GREB1: variants seen among roughly 807,000 people sequenced by gnomAD.
GREB1 encodes the protein growth regulating estrogen receptor binding 1, also known as protein GREB1.
A neutral mutation model predicts 200.7 loss-of-function variants in GREB1; 106 were observed. That is an observed-to-expected ratio of 0.53 (90% CI 0.45 to 0.62). GREB1 has a LOEUF of 0.62. GREB1 is among the 20% of genes least tolerant of loss of function. GREB1 has a pLI of 0.00. For synonymous variants in GREB1, 1,132 were observed against 1,092.4 expected, an observed-to-expected ratio of 1.04 and a Z score of -0.72; for missense variants, 2,243 against 2,556.8, an observed-to-expected ratio of 0.88 and a Z score of 2.65.
At chr2:11,501,729 A>C (rs962173133) in intron 1 of GREB1, among the ~76,000 whole-genome samples, 11 of 151,954 alleles carry the variant, frequency 7.2e-5, no homozygotes, top group Non-Finnish European at 1.0e-4. Flanking sequence ...TGTATCTTTT[A>C]GGAAGATAAT....
At chr2:11,610,004 T>G (rs545619422) in intron 17 of GREB1, among the ~76,000 whole-genome samples, 38 of 152,304 alleles carry the variant, frequency 2.5e-4, no homozygotes, top group African/African-American at 9.1e-4. Flanking sequence ...GCTTTTCCAT[T>G]GGTGCCCTGG....
At chr2:11,494,630 G>A (rs192271745) in intron 1 of GREB1, among the ~76,000 whole-genome samples, 40 of 152,252 alleles carry the variant, frequency 2.6e-4, no homozygotes, top group Non-Finnish European at 4.4e-4. Flanking sequence ...TTTTTAATGG[G>A]AGTGATCTGA....
At chr2:11,561,514 C>A (rs1677036165) in intron 2 of GREB1, 1 of 152,160 alleles carries the variant, frequency 6.6e-6, no homozygotes, top group African/African-American at 2.4e-5. Context: ...CAGGCACACA[C>A]TACCACGCCC....
intron 17 of GREB1, among the ~76,000 whole-genome samples, chr2:11,606,295 C>A (rs577048159): frequency 1.3e-5 from 2 of 152,344 alleles, no homozygotes; most frequent in East Asian, 3.9e-4. Flanking sequence ...GTTCATTTTA[C>A]ATTCCCATCA....
chr2:11,497,467 A>G (rs541957513), intron 1 of GREB1, among the ~76,000 whole-genome samples: 107 of 152,314 alleles, frequency 7.0e-4, no homozygotes, highest in African/African-American at 2.5e-3. Flanking sequence ...CATATGTTGT[A>G]ATTTCTATGG....
chr2:11,582,794 G>A (rs1474823598), intron 7 of GREB1, among the ~76,000 whole-genome samples: 4 of 152,250 alleles, frequency 2.6e-5, no homozygotes, highest in African/African-American at 4.8e-5. Flanking sequence ...TGGGGAGAGA[G>A]CTCAAAATCA....
At position 11,633,961 on chromosome 2, in the gene GREB1, G is replaced by A. The variant is rs568739602; in HGVS notation, c.4992-170G>A. Among the ~76,000 whole-genome samples the A allele has an allele frequency of 2.4e-4, 36 of 152,342 alleles. No homozygotes were observed. The highest frequency in any genetic ancestry group is 5.0e-4 in the African/African-American group (21 of 41,586). ...TGTTCAGCACATAGCAGAAATGAGC[G>A]CCCGTGGGAAGCGCCCAGCAGGGTG... On this transcript the variant is annotated intron_variant, in intron 28 of 32. Coordinates refer to ENST00000381486, the MANE Select transcript of GREB1 (RefSeq NM_014668.4). The surrounding 1 kb of genome is among the most constrained non-coding windows in gnomAD (Gnocchi z 4.1).
At position 11,593,478 on chromosome 2, in the gene GREB1, C is replaced by G. The variant is rs60073769; in HGVS notation, c.1696+352C>G. Among the ~76,000 whole-genome samples, 854 of 152,302 alleles carry G rather than the reference C, an allele frequency of 5.6e-3. 9 individuals are homozygous for G. Among genetic ancestry groups the G allele is most frequent in the African/African-American group, 0.02 (818 of 41,560 alleles). ...AGAAACAATGCCCTTGTTGTGTTGT[C>G]TGTGTTCAGGAGCCAATTAATTTTT... On this transcript the variant is annotated intron_variant, in intron 11 of 32. Transcript: ENST00000381486.
chr2:11,586,933 C>T (rs995523383), intron 9 of GREB1, among the ~76,000 whole-genome samples: 1 of 151,994 alleles, frequency 6.6e-6, no homozygotes, highest in African/African-American at 2.4e-5. Context: ...GTGGCCATGG[C>T]GTGTCTGTGG....
intron 19 of GREB1, among the ~76,000 whole-genome samples, chr2:11,613,845 A>G (rs571038061): frequency 1.4e-4 from 21 of 152,292 alleles, no homozygotes; most frequent in African/African-American, 4.8e-4. Context: ...GGTTGAGTCA[A>G]TGAACGATCA....
intron 1 of GREB1, among the ~76,000 whole-genome samples, chr2:11,485,422 C>T (rs1441775988): frequency 6.6e-6 from 1 of 151,794 alleles, no homozygotes; most frequent in African/African-American, 2.4e-5. Context: ...CCCAGGTGTG[C>T]ACCTCCATGC....
chr2:11,553,009 CA>C (rs370234359), intron 1 of GREB1, among the ~76,000 whole-genome samples: 590 of 80,894 alleles, frequency 7.3e-3, no homozygotes, highest in Middle Eastern at 0.016. Context: ...AACTCCGTCT[CA>C]AAAAAAAAAA....
At chr2:11,515,162 C>T (rs28537816) in intron 1 of GREB1, among the ~76,000 whole-genome samples, 2 of 149,292 alleles carry the variant, frequency 1.3e-5, no homozygotes, top group African/African-American at 4.9e-5. Context: ...TCCATCTATC[C>T]ATCCATCCAT....
intron 13 of GREB1, 147 bp downstream of exon 13, chr2:11,596,386 AG>A: frequency 1.2e-5 from 2 of 168,656 alleles, no homozygotes; most frequent in Non-Finnish European, 2.2e-5. Context: ...GTGTATAGTG[AG>A]GGGGGACGGG....
chr2:11,515,267 A>G (rs1035048719), intron 1 of GREB1, among the ~76,000 whole-genome samples: 3 of 152,232 alleles, frequency 2.0e-5, no homozygotes, highest in Non-Finnish European at 1.5e-5. Context: ...TATTATGGCC[A>G]GTGCAGAGGG....
intron 18 of GREB1, among the ~76,000 whole-genome samples, chr2:11,611,291 CTCT>C (rs918428397): frequency 1.3e-5 from 2 of 152,058 alleles, no homozygotes; most frequent in African/African-American, 4.8e-5. Flanking sequence ...TCCATTTCCT[CTCT>C]TCTTTGTTTA....
At chr2:11,571,052 T>TAA (rs1452202952) in intron 4 of GREB1, among the ~76,000 whole-genome samples, 1 of 152,114 alleles carries the variant, frequency 6.6e-6, no homozygotes, top group African/African-American at 2.4e-5. Context: ...TATATATATA[T>TAA]AAAACGTTGT....
Position 11,580,744 on chromosome 2 carries a change from TC to T in GREB1, c.815del (p.Pro272ArgfsTer29), listed in dbSNP as rs1251410422. 6.2e-7 allele frequency: 1 copy of T among 1,614,164 alleles called. No homozygotes were observed. Among genetic ancestry groups the T allele is most frequent in the East Asian group, 2.2e-5 (1 of 44,882 alleles). ...ACCCCTCACTAAACGCAGCAATGGG[TC>T]CGGCTGTTTTCAACGGCAAAGATTC... The part of the protein sequence containing the change: ...DHPSLNAAMG[P>X]AVFNGKDSPK... On this transcript the variant is annotated frameshift_variant, in exon 7 of 33. Coordinates refer to ENST00000381486, the MANE Select transcript of GREB1 (RefSeq NM_014668.4). LOFTEE classifies it high-confidence loss of function. This position sits in a 1 kb window ranked among gnomAD's most constrained non-coding sequence, Gnocchi z 4.5.
At chr2:11,514,234 CAT>C (rs1328700073) in intron 1 of GREB1, among the ~76,000 whole-genome samples, 1 of 152,192 alleles carries the variant, frequency 6.6e-6, no homozygotes, top group African/African-American at 2.4e-5. Context: ...GGCTTATTTA[CAT>C]AGAGTTCTCA....
Sources: allele counts gnomAD v4.1 joint callset (sites outside exome capture counted in the v4.1 genomes callset), GRCh38; gene constraint gnomAD v4.1.1; non-coding constraint Gnocchi (gnomAD v3.1); transcripts MANE v1.5; gene names NCBI Gene and HGNC (gene_info 2026-07-23, HGNC 2026-07-21).